VKORC1L1: variants seen among roughly 807,000 people sequenced by gnomAD.
VKORC1L1 encodes the protein vitamin K epoxide reductase complex subunit 1L1.
In VKORC1L1, 2 loss-of-function variants were observed where a neutral mutation model predicts 18.9. The ratio of observed to expected loss-of-function variants is 0.11; its 90% CI spans 0.04 to 0.33. The LOEUF (loss-of-function observed/expected upper bound fraction) is 0.33, where lower values mean the gene tolerates loss of function less well. Ranked by LOEUF, VKORC1L1 falls within the 10% of genes least tolerant of loss-of-function variation. VKORC1L1 has a pLI of 1.00. For missense variants in VKORC1L1, 123 were observed against 224.1 expected (o/e 0.55, Z 2.88); for synonymous variants, 96 against 100.0 (o/e 0.96, Z 0.24).
intron 1 of VKORC1L1, among the ~76,000 whole-genome samples, chr7:65,881,319 A>G (rs954247486): frequency 2.6e-5 from 4 of 152,250 alleles, no homozygotes; most frequent in African/African-American, 7.2e-5. Flanking sequence ...AAATTTTAAT[A>G]TATTAGAGAC....
chr7:65,925,841 C>T (rs1297577492), intron 1 of VKORC1L1, among the ~76,000 whole-genome samples: 1 of 151,930 alleles, frequency 6.6e-6, no homozygotes, highest in African/African-American at 2.4e-5. Context: ...TGTATAAAAC[C>T]ACAGGACAAA....
In VKORC1L1 at chr7:65,875,216, C is replaced by T. The variant is rs1280940872; in HGVS notation, c.194+1651C>T. 2.0e-5 allele frequency among the ~76,000 whole-genome samples: 3 copies of T among 152,092 alleles called. No homozygotes were observed. In the East Asian group the frequency reaches 5.8e-4, roughly 29 times the overall value. Reference sequence around the variant, plus strand: ...CTGTTTATAAACTACTTGCAAAAATCAAGTAGCTTATAAACTACCCATTTA... The same window carrying T: ...CTGTTTATAAACTACTTGCAAAAATTAAGTAGCTTATAAACTACCCATTTA... On this transcript the variant is annotated intron_variant, in intron 1 of 2. Coordinates refer to ENST00000360768, the MANE Select transcript of VKORC1L1 (RefSeq NM_173517.6).
chr7:65,899,684 C>T (rs1208466346), intron 1 of VKORC1L1, among the ~76,000 whole-genome samples: 9 of 151,928 alleles, frequency 5.9e-5, no homozygotes, highest in African/African-American at 1.7e-4. Flanking sequence ...GCTGGAGTTA[C>T]GAGATAGAAA....
chr7:65,948,875 T>A (rs374319045), intron 2 of VKORC1L1, 95 bp downstream of exon 2: 2 of 1,472,354 alleles, frequency 1.4e-6, no homozygotes, highest in African/African-American at 2.8e-5. Context: ...GCATGTGTTA[T>A]TTATAGAACC....
chr7:65,895,470 AAAAAAAAAAAATATATATAT>A (rs1228319092), intron 1 of VKORC1L1, among the ~76,000 whole-genome samples: 5 of 54,320 alleles, frequency 9.2e-5, no homozygotes, highest in African/African-American at 2.4e-4. Context: ...AAAAAAAAAA[AAAAAAAAAAAATATATATAT>A]ATATATATAT....
At chr7:65,896,874 C>G (rs1032724631) in intron 1 of VKORC1L1, among the ~76,000 whole-genome samples, 28 of 152,078 alleles carry the variant, frequency 1.8e-4, no homozygotes, top group African/African-American at 6.8e-4. Flanking sequence ...TGGCACATGC[C>G]TGTAATCCCA....
chr7:65,870,240 T>G (rs1583813488), upstream of VKORC1L1, among the ~76,000 whole-genome samples: 1 of 138,420 alleles, frequency 7.2e-6, no homozygotes, highest in Admixed American at 7.6e-5. Flanking sequence ...ACCAATATGG[T>G]GAAACCCCAT....
chr7:65,903,768 T>A (rs1434627604), intron 1 of VKORC1L1, among the ~76,000 whole-genome samples: 1 of 58,948 alleles, frequency 1.7e-5, no homozygotes, highest in Non-Finnish European at 3.2e-5. Flanking sequence ...AGCGAGACCG[T>A]GTCTCAAAAA....
chr7:65,922,806 G>T (rs956498093), intron 1 of VKORC1L1, among the ~76,000 whole-genome samples: 1 of 152,082 alleles, frequency 6.6e-6, no homozygotes, highest in East Asian at 1.9e-4. Context: ...GTTCTTCCCT[G>T]CCTTCTCTGG....
chr7:65,899,917 T>G (rs1409371541), intron 1 of VKORC1L1, among the ~76,000 whole-genome samples: 2 of 140,476 alleles, frequency 1.4e-5, no homozygotes, highest in Admixed American at 7.1e-5. Flanking sequence ...GGAGAATCGC[T>G]TGAACTCAGG....
chr7:65,877,862 G>A (rs1031313034), intron 1 of VKORC1L1, among the ~76,000 whole-genome samples: 3 of 152,082 alleles, frequency 2.0e-5, no homozygotes, highest in Non-Finnish European at 4.4e-5. Context: ...TTTTTACTGA[G>A]ATCCTGGCAT....
intron 1 of VKORC1L1, among the ~76,000 whole-genome samples, chr7:65,909,737 T>TGTGTGTGTGAGA (rs1491345250): frequency 1.6e-4 from 23 of 145,268 alleles, no homozygotes; most frequent in Admixed American, 1.4e-3. Context: ...TGTGTGTGTG[T>TGTGTGTGTGAGA]GACGGAGGCT....
intron 1 of VKORC1L1, among the ~76,000 whole-genome samples, chr7:65,915,191 A>G (rs560621934): frequency 2.0e-5 from 3 of 146,454 alleles, no homozygotes; most frequent in Non-Finnish European, 4.5e-5. Context: ...TCCTGGGTTC[A>G]CATCATTCTC....
intron 1 of VKORC1L1, among the ~76,000 whole-genome samples, chr7:65,879,233 A>T (rs974032207): frequency 7.9e-5 from 12 of 152,162 alleles, no homozygotes; most frequent in Admixed American, 4.6e-4. Flanking sequence ...AATAACTGCT[A>T]GTACGTAAAA....
At chr7:65,881,541 G>C (rs193283855) in intron 1 of VKORC1L1, among the ~76,000 whole-genome samples, 2 of 152,320 alleles carry the variant, frequency 1.3e-5, no homozygotes, top group East Asian at 3.9e-4. Flanking sequence ...TGAGGGAGCT[G>C]TGTAGGGATG....
chr7:65,893,202 A>G (rs1189672830), intron 1 of VKORC1L1, among the ~76,000 whole-genome samples: 10 of 152,066 alleles, frequency 6.6e-5, no homozygotes, highest in Admixed American at 4.6e-4. Flanking sequence ...ATGTTAGCAT[A>G]TAATAGATTT....
chr7:65,925,877 A>C (rs1463376940), intron 1 of VKORC1L1, among the ~76,000 whole-genome samples: 1 of 152,164 alleles, frequency 6.6e-6, no homozygotes, highest in Non-Finnish European at 1.5e-5. Flanking sequence ...GGCAGAGTCC[A>C]AGAACACTGG....
In VKORC1L1 at chr7:65,950,061, A is replaced by T. The variant is rs1790187449; in HGVS notation, c.304+1281A>T. 5.3e-5 allele frequency among the ~76,000 whole-genome samples: 8 copies of T among 151,984 alleles called. No homozygotes were observed. The South Asian group carries it at 1.7e-3, about 32-fold the overall frequency. ...TTTCCCTGAAGCTCCAGCGGTCTTT[A>T]TTTTTAAGACATGCTTTGTAAAATT... On this transcript the variant is annotated intron_variant, in intron 2 of 2. Transcript: ENST00000360768.
At chr7:65,953,091 G>A (rs894773943) in intron 2 of VKORC1L1, among the ~76,000 whole-genome samples, 7 of 151,666 alleles carry the variant, frequency 4.6e-5, no homozygotes, top group East Asian at 1.9e-4. Flanking sequence ...GCCACTGTGC[G>A]TGGCTTCAGG....
Sources: gnomAD v4.1 joint callset for allele counts (sites outside exome capture counted in the v4.1 genomes callset) on GRCh38, gnomAD v4.1.1 for gene constraint, MANE v1.5 for transcripts, NCBI Gene and HGNC (gene_info 2026-07-23, HGNC 2026-07-21) for gene names.